The following CNIH3 variants were observed in gnomAD, a reference collection of about 807,000 sequenced individuals.
The protein encoded by CNIH3 is protein cornichon homolog 3.
In CNIH3, 14 loss-of-function variants were observed where a neutral mutation model predicts 24.1. The ratio of observed to expected loss-of-function variants is 0.58; its 90% CI spans 0.38 to 0.91. The LOEUF is 0.91. Ranked by LOEUF, CNIH3 falls within the 40% of genes least tolerant of loss-of-function variation. The pLI is 0.00. For missense variants in CNIH3, 178 were observed against 196.8 expected (o/e 0.90, Z 0.57); for synonymous variants, 68 against 73.8 (o/e 0.92, Z 0.40).
At chr1:224,645,548 T>G (rs1476193612) in intron 1 of CNIH3, among the ~76,000 whole-genome samples, 1 of 152,254 alleles carries the variant, frequency 6.6e-6, no homozygotes. Context: ...TGACACTCCC[T>G]CTGTGCTCCT....
chr1:224,480,150 T>C (rs1357942584), intron 1 of CNIH3, among the ~76,000 whole-genome samples: 1 of 152,190 alleles, frequency 6.6e-6, no homozygotes, highest in Non-Finnish European at 1.5e-5. Context: ...CTCAACACCA[T>C]GTGGAAGCTG....
intron 1 of CNIH3, among the ~76,000 whole-genome samples, chr1:224,644,335 C>T (rs991866346): frequency 1.3e-5 from 2 of 152,086 alleles, no homozygotes; most frequent in South Asian, 2.1e-4. Flanking sequence ...CTTAACCTTC[C>T]GAGTAGCTGG....
intron 3 of CNIH3, among the ~76,000 whole-genome samples, chr1:224,685,410 C>T (rs1252938957): frequency 2.0e-5 from 3 of 152,282 alleles, no homozygotes; most frequent in Admixed American, 1.3e-4. Context: ...ATTCAGGAAG[C>T]GCATGTGGGC....
At chr1:224,688,925 CA>C (rs764640865) in intron 3 of CNIH3, among the ~76,000 whole-genome samples, 8,732 of 91,124 alleles carry the variant, frequency 0.096, 337 homozygotes, top group African/African-American at 0.19. Flanking sequence ...AGATCTGTCT[CA>C]AAAAAAAAAA....
intron 3 of CNIH3, among the ~76,000 whole-genome samples, chr1:224,553,408 G>A (rs890106866): frequency 2.6e-5 from 4 of 151,954 alleles, no homozygotes; most frequent in African/African-American, 7.3e-5. Flanking sequence ...ATGCAGATGG[G>A]GTTTCTTCTT....
chr1:224,576,644 A>G (rs1015030693), intron 4 of CNIH3, among the ~76,000 whole-genome samples: 11 of 152,234 alleles, frequency 7.2e-5, no homozygotes, highest in African/African-American at 2.7e-4. Flanking sequence ...TGAGCCGTGT[A>G]GTATACTATG....
chr1:224,509,195 C>T (rs754617537), intron 1 of CNIH3, among the ~76,000 whole-genome samples: 1 of 152,146 alleles, frequency 6.6e-6, no homozygotes, highest in Non-Finnish European at 1.5e-5. Context: ...TGGTGGTACA[C>T]ATCTGTAATC....
chr1:224,624,975 C>T (rs990475614), intron 1 of CNIH3, among the ~76,000 whole-genome samples: 1 of 152,132 alleles, frequency 6.6e-6, no homozygotes, highest in African/African-American at 2.4e-5. Flanking sequence ...TTCTCCCTGG[C>T]GATCTGAGTC....
At chr1:224,575,319 A>G in intron 4 of CNIH3, 1 of 1,028,110 alleles carries the variant, frequency 9.7e-7, no homozygotes, top group Non-Finnish European at 1.5e-6. Flanking sequence ...CAGTTACAAC[A>G]GAACTGGAGG....
chr1:224,469,580 C>T (rs1384277462), intron 1 of CNIH3, among the ~76,000 whole-genome samples: 1 of 152,162 alleles, frequency 6.6e-6, no homozygotes, highest in Non-Finnish European at 1.5e-5. Context: ...CAAATCATAG[C>T]TAATTGTAAT....
chr1:224,549,445 T>G (rs1679829394), intron 3 of CNIH3, among the ~76,000 whole-genome samples: 1 of 152,114 alleles, frequency 6.6e-6, no homozygotes, highest in Non-Finnish European at 1.5e-5. Flanking sequence ...GTGATGATAT[T>G]TCCTTAATAT....
intron 3 of CNIH3, among the ~76,000 whole-genome samples, chr1:224,559,450 G>T (rs1680272643): frequency 6.6e-6 from 1 of 152,074 alleles, no homozygotes; most frequent in Non-Finnish European, 1.5e-5. Context: ...TTGTAACCCT[G>T]TACTCATGGG....
intron 1 of CNIH3, among the ~76,000 whole-genome samples, chr1:224,476,569 T>C: frequency 6.6e-6 from 1 of 152,216 alleles, no homozygotes; most frequent in Admixed American, 6.5e-5. Flanking sequence ...GAATAGGAAA[T>C]GGGTTAAATA....
intron 2 of CNIH3, among the ~76,000 whole-genome samples, chr1:224,530,302 A>G (rs1013750044): frequency 6.6e-6 from 1 of 152,208 alleles, no homozygotes; most frequent in Non-Finnish European, 1.5e-5. Context: ...TTTCTCAATT[A>G]TTTATTATGT....
chr1:224,700,694 G>A (rs1330317787), intron 3 of CNIH3, among the ~76,000 whole-genome samples: 1 of 152,170 alleles, frequency 6.6e-6, no homozygotes, highest in African/African-American at 2.4e-5. Flanking sequence ...TTCTCCTGGA[G>A]AAAGGGCCCA....
chr1:224,555,614 T>C (rs1452238121), intron 3 of CNIH3, among the ~76,000 whole-genome samples: 1 of 152,246 alleles, frequency 6.6e-6, no homozygotes, highest in East Asian at 1.9e-4. Flanking sequence ...TCTTGTGAAG[T>C]AAGGAAGCCT....
At chr1:224,558,543 T>G (rs559655780) in intron 3 of CNIH3, among the ~76,000 whole-genome samples, 72 of 152,326 alleles carry the variant, frequency 4.7e-4, no homozygotes, top group African/African-American at 1.5e-3. Context: ...AAAAGTTGGT[T>G]GCTTTTTATT....
intron 1 of CNIH3, among the ~76,000 whole-genome samples, chr1:224,501,521 ATATATT>A: frequency 2.1e-5 from 2 of 96,540 alleles, no homozygotes; most frequent in South Asian, 2.9e-4. Flanking sequence ...ATATATATAT[ATATATT>A]TTTTTTTTTT....
intron 1 of CNIH3, among the ~76,000 whole-genome samples, chr1:224,677,049 G>T: frequency 6.6e-6 from 1 of 152,174 alleles, no homozygotes; most frequent in East Asian, 1.9e-4. Context: ...CCTTGGTTTG[G>T]ATCCTGGCAC....
Sources: allele counts gnomAD v4.1 joint callset (sites outside exome capture counted in the v4.1 genomes callset), GRCh38; gene constraint gnomAD v4.1.1; transcripts MANE v1.5; gene names NCBI Gene and HGNC (gene_info 2026-07-23, HGNC 2026-07-21).